Variants in CWC27 observed in about 807,000 individuals in gnomAD.
CWC27 encodes spliceosome-associated protein CWC27 homolog.
A neutral mutation model predicts 63.6 loss-of-function variants in CWC27; 47 were observed. The observed-to-expected ratio is 0.74, with a 90% CI of 0.58 to 0.94. The LOEUF (loss-of-function observed/expected upper bound fraction) is 0.94, where lower values mean the gene tolerates loss of function less well. Ranked by LOEUF, CWC27 falls within the 40% of genes least tolerant of loss-of-function variation. The pLI, the probability that CWC27 is intolerant of heterozygous loss-of-function variation, is 0.00. For synonymous variants in CWC27, 175 were observed against 179.8 expected (o/e 0.97, Z 0.22); for missense variants, 495 against 554.3 (o/e 0.89, Z 1.07).
At chr5:64,987,408 A>T (rs1446274988) in intron 13 of CWC27, among the ~76,000 whole-genome samples, 2 of 152,198 alleles carry the variant, frequency 1.3e-5, no homozygotes, top group Admixed American at 1.3e-4. Context: ...TTACATCTAC[A>T]TATATTGAGA....
intron 10 of CWC27, among the ~76,000 whole-genome samples, chr5:64,811,589 C>T (rs1012902633): frequency 2.0e-5 from 3 of 151,898 alleles, no homozygotes; most frequent in Non-Finnish European, 4.4e-5. Context: ...GGGCATCAGT[C>T]TTAGTGTTTG....
At chr5:65,015,830 G>A (rs1750039478) in intron 13 of CWC27, among the ~76,000 whole-genome samples, 2 of 152,154 alleles carry the variant, frequency 1.3e-5, no homozygotes, top group South Asian at 2.1e-4. Context: ...AATTGTTTAG[G>A]GGCAGCTATC....
At chr5:65,000,426 A>G (rs145356194) in intron 13 of CWC27, among the ~76,000 whole-genome samples, 190 of 151,946 alleles carry the variant, frequency 1.3e-3, no homozygotes, top group African/African-American at 4.4e-3. Context: ...AATGTTTCCC[A>G]TGTGTTCTCT....
intron 10 of CWC27, among the ~76,000 whole-genome samples, chr5:64,851,858 T>C (rs920498264): frequency 3.3e-5 from 5 of 152,214 alleles, no homozygotes; most frequent in African/African-American, 1.2e-4. Context: ...ATTTATTTGA[T>C]ACTTTGTTGG....
intron 10 of CWC27, among the ~76,000 whole-genome samples, chr5:64,817,132 C>T (rs1323645514): frequency 6.6e-6 from 1 of 152,068 alleles, no homozygotes; most frequent in Non-Finnish European, 1.5e-5. Flanking sequence ...TCACTTTGCA[C>T]CAAGCATATT....
At chr5:64,808,520 G>A (rs1744768668) in intron 10 of CWC27, 1 of 188,214 alleles carries the variant, frequency 5.3e-6, no homozygotes, top group African/African-American at 2.4e-5. Flanking sequence ...AAATATTTTT[G>A]TAAATACATG....
chr5:64,948,986 A>G (rs1748647438), intron 11 of CWC27, among the ~76,000 whole-genome samples: 1 of 152,046 alleles, frequency 6.6e-6, no homozygotes, highest in African/African-American at 2.4e-5. Flanking sequence ...ATCAGAAAAT[A>G]GTTTAACTTT....
In CWC27 at chr5:64,937,800, A is replaced by G. The variant is rs540748764; in HGVS notation, c.1043-33903A>G. 2.0e-5 allele frequency among the ~76,000 whole-genome samples: 3 copies of G among 152,188 alleles called. No individual in the cohort carries two copies. The South Asian group carries it at 6.2e-4, about 32-fold the overall frequency. ...TCCTGTATTGGTTGCATGTATATTTAGGATAGTTAGCTGTTCTTATTGCAT... is the reference window on the plus strand; with the variant it reads ...TCCTGTATTGGTTGCATGTATATTTGGGATAGTTAGCTGTTCTTATTGCAT... On this transcript the variant is annotated intron_variant, in intron 11 of 13. Coordinates refer to ENST00000381070, the MANE Select transcript of CWC27 (RefSeq NM_005869.4).
intron 10 of CWC27, among the ~76,000 whole-genome samples, chr5:64,877,711 TAAATA>T (rs1279508400): frequency 1.3e-5 from 2 of 151,976 alleles, no homozygotes; most frequent in Non-Finnish European, 2.9e-5. Context: ...AAATTGTAAA[TAAATA>T]AAATATTCAG....
intron 10 of CWC27, among the ~76,000 whole-genome samples, chr5:64,876,457 G>A (rs1054684609): frequency 2.0e-5 from 3 of 152,086 alleles, no homozygotes; most frequent in African/African-American, 7.2e-5. Flanking sequence ...TAAACTAACT[G>A]CAAGTGCTAC....
chr5:64,859,825 A>C (rs181934739), intron 10 of CWC27, among the ~76,000 whole-genome samples: 1 of 152,258 alleles, frequency 6.6e-6, no homozygotes, highest in East Asian at 1.9e-4. Context: ...GGCTGTACTG[A>C]ATCCTGTATG....
chr5:65,006,925 C>A (rs1041516136), intron 13 of CWC27, among the ~76,000 whole-genome samples: 24 of 149,186 alleles, frequency 1.6e-4, no homozygotes, highest in African/African-American at 5.9e-4. Flanking sequence ...TTCACATATA[C>A]CCCCAAACCT....
intron 11 of CWC27, among the ~76,000 whole-genome samples, chr5:64,934,189 G>C (rs559382808): frequency 6.6e-6 from 1 of 152,220 alleles, no homozygotes; most frequent in East Asian, 1.9e-4. Context: ...TGCCACCATC[G>C]TTTGCTGCAC....
intron 10 of CWC27, among the ~76,000 whole-genome samples, chr5:64,869,353 A>T (rs1746609202): frequency 1.3e-5 from 2 of 152,056 alleles, no homozygotes; most frequent in Admixed American, 1.3e-4. Flanking sequence ...TATATTAGCT[A>T]AATTAAAAAT....
At chr5:64,772,438 A>C (rs1743290181) in intron 1 of CWC27, among the ~76,000 whole-genome samples, 1 of 151,690 alleles carries the variant, frequency 6.6e-6, no homozygotes, top group African/African-American at 2.4e-5. Context: ...TCTGGCCAAC[A>C]GGGTGAAACC....
intron 2 of CWC27, among the ~76,000 whole-genome samples, chr5:64,776,068 C>CGAGAGGGA (rs1743432221): frequency 9.2e-6 from 1 of 108,556 alleles, no homozygotes; most frequent in African/African-American, 3.8e-5. Flanking sequence ...AGGAGTGGAG[C>CGAGAGGGA]GAGAGAGAGA....
intron 13 of CWC27, among the ~76,000 whole-genome samples, chr5:65,007,874 C>T (rs1442630797): frequency 6.6e-6 from 1 of 152,078 alleles, no homozygotes; most frequent in Non-Finnish European, 1.5e-5. Context: ...GTGATCCGCC[C>T]GCCTCGGCCT....
intron 10 of CWC27, among the ~76,000 whole-genome samples, chr5:64,821,839 C>G (rs114383884): frequency 6.6e-6 from 1 of 152,108 alleles, no homozygotes; most frequent in African/African-American, 2.4e-5. Context: ...CATATTATAC[C>G]TCCGTTGAGA....
Position 64,912,148 on chromosome 5 carries a change from A to G in CWC27, c.1042+26602A>G, listed in dbSNP as rs374870908. Among the ~76,000 whole-genome samples the G allele has an allele frequency of 7.9e-5, 12 of 152,116 alleles. No individual in the cohort carries two copies. In the East Asian group the frequency reaches 9.7e-4, roughly 12 times the overall value. ...TAGGTATATAGCTTCAAATAATCTC[A>G]GTACCTGAAATTGAATTAAGGTGGT... On this transcript the variant is annotated intron_variant, in intron 11 of 13. Transcript: ENST00000381070.
Sources: allele counts gnomAD v4.1 joint callset (sites outside exome capture counted in the v4.1 genomes callset), GRCh38; gene constraint gnomAD v4.1.1; transcripts MANE v1.5; gene names NCBI Gene and HGNC (gene_info 2026-07-23, HGNC 2026-07-21).